The following SDK1 variants were observed in gnomAD, a reference collection of about 807,000 sequenced individuals.
The protein encoded by SDK1 is sidekick cell adhesion molecule 1, also known as protein sidekick-1.
SDK1 carries 157 observed loss-of-function variants against 245.5 expected under a neutral mutation model. That is an observed-to-expected ratio of 0.64 (90% CI 0.56 to 0.73). SDK1 has a LOEUF of 0.73. SDK1 is among the 30% of genes least tolerant of loss of function. The probability of loss-of-function intolerance (pLI) is 0.00; values close to 1 mark genes in which losing one functional copy is unlikely to be tolerated. For missense variants in SDK1, 3,583 were observed against 3,002.3 expected (o/e 1.19, Z -4.52); for synonymous variants, 1,647 against 1,278.5 (o/e 1.29, Z -6.15).
At position 4,143,673 on chromosome 7, in the gene SDK1, G is replaced by C. The variant is rs1012591550; in HGVS notation, c.4229-2049G>C. On this transcript the variant is annotated intron_variant, in intron 28 of 44. Transcript: ENST00000404826. ...TTCTGCGCAGTGGGCCCTGGGGTCC[G>C]TGGTTCCGAGCAACGGGGACCTGGC... 9.3e-4 allele frequency among the ~76,000 whole-genome samples: 142 copies of C among 152,302 alleles called. 1 individual carries two copies. Among genetic ancestry groups the C allele is most frequent in the African/African-American group, 3.3e-3 (136 of 41,582 alleles).
At chr7:3,550,930 C>T (rs181436630) in intron 1 of SDK1, among the ~76,000 whole-genome samples, 1 of 152,098 alleles carries the variant, frequency 6.6e-6, no homozygotes, top group Non-Finnish European at 1.5e-5. Context: ...TTCAGACTTT[C>T]TTCTTATCAT....
chr7:4,192,044 C>G (rs892462130), intron 35 of SDK1, among the ~76,000 whole-genome samples: 1 of 152,200 alleles, frequency 6.6e-6, no homozygotes, highest in African/African-American at 2.4e-5. Flanking sequence ...CCCTCTTTGC[C>G]TGTTTCTCTG....
intron 1 of SDK1, among the ~76,000 whole-genome samples, chr7:3,496,057 G>C (rs890845874): frequency 3.3e-5 from 5 of 152,094 alleles, no homozygotes; most frequent in Admixed American, 3.3e-4. Flanking sequence ...TTTTTCCCAG[G>C]AGAGAGCTGA....
At chr7:3,383,450 G>A (rs772248507) in intron 1 of SDK1, among the ~76,000 whole-genome samples, 21 of 152,082 alleles carry the variant, frequency 1.4e-4, no homozygotes, top group Non-Finnish European at 2.8e-4. Context: ...TCCCCAGTTT[G>A]GAAGTCTTCA....
chr7:3,319,338 G>A (rs1779737208), intron 1 of SDK1, among the ~76,000 whole-genome samples: 2 of 152,110 alleles, frequency 1.3e-5, no homozygotes, highest in South Asian at 4.2e-4. Flanking sequence ...GTTGCACCCA[G>A]AAATGCTTGT....
At chr7:3,497,389 AGAT>A (rs959419684) in intron 1 of SDK1, among the ~76,000 whole-genome samples, 7 of 152,186 alleles carry the variant, frequency 4.6e-5, no homozygotes, top group Non-Finnish European at 1.0e-4. Flanking sequence ...ATTTTCTCCT[AGAT>A]GATGTTTATC....
chr7:4,063,599 A>AAAAAAAAAAAC (rs533567059), intron 19 of SDK1, among the ~76,000 whole-genome samples: 6,336 of 148,790 alleles, frequency 0.043, 247 homozygotes, highest in African/African-American at 0.099. Flanking sequence ...AGAAATAGCA[A>AAAAAAAAAAAC]AAAAAAAAAA....
At chr7:3,488,039 G>A (rs1217557409) in intron 1 of SDK1, among the ~76,000 whole-genome samples, 1 of 152,048 alleles carries the variant, frequency 6.6e-6, no homozygotes, top group Non-Finnish European at 1.5e-5. Flanking sequence ...TAGACTAGAG[G>A]CTTGTTTCCC....
At chr7:3,937,233 A>G (rs1004798990) in intron 5 of SDK1, among the ~76,000 whole-genome samples, 2 of 152,166 alleles carry the variant, frequency 1.3e-5, no homozygotes, top group Admixed American at 1.3e-4. Flanking sequence ...ACAGGTATTT[A>G]TGAGGCCCCT....
intron 1 of SDK1, among the ~76,000 whole-genome samples, chr7:3,526,558 G>A (rs557088627): frequency 1.3e-5 from 2 of 152,188 alleles, no homozygotes; most frequent in South Asian, 4.1e-4. Flanking sequence ...ATAGTTTGGT[G>A]GAATTCTATT....
At chr7:3,414,941 C>T (rs1387392893) in intron 1 of SDK1, among the ~76,000 whole-genome samples, 1 of 152,132 alleles carries the variant, frequency 6.6e-6, no homozygotes, top group East Asian at 1.9e-4. Flanking sequence ...TATTTCCGTG[C>T]ACGGATATAC....
chr7:3,920,160 C>T (rs1562537650), intron 5 of SDK1, among the ~76,000 whole-genome samples: 1 of 152,180 alleles, frequency 6.6e-6, no homozygotes, highest in African/African-American at 2.4e-5. Flanking sequence ...TGGAGAGCAG[C>T]ACTGAGGATC....
intron 4 of SDK1, among the ~76,000 whole-genome samples, chr7:3,646,740 G>A (rs1782851068): frequency 6.6e-6 from 1 of 152,160 alleles, no homozygotes; most frequent in Non-Finnish European, 1.5e-5. Context: ...AAAAGACATG[G>A]ATTAACCTGG....
At chr7:3,397,946 T>C (rs1274906313) in intron 1 of SDK1, among the ~76,000 whole-genome samples, 1 of 152,116 alleles carries the variant, frequency 6.6e-6, no homozygotes, top group African/African-American at 2.4e-5. Context: ...CCCTTCAGAT[T>C]GTGTGTTTTC....
In SDK1 at chr7:4,220,289, G is replaced by C; in HGVS notation, c.5701+19G>C. On this transcript the variant is annotated intron_variant, in intron 39 of 44. Coordinates refer to ENST00000404826, the MANE Select transcript of SDK1 (RefSeq NM_152744.4). ...GCCGAGGGTAAGTGGAACTCCAGGG[G>C]CAGACAATGTCAATTGCAACTTTAG... is the stretch of plus-strand genomic sequence containing the variant. 1 of 1,605,862 alleles carries C rather than the reference G, an allele frequency of 6.2e-7. No individual in the cohort carries two copies. Among genetic ancestry groups the C allele is most frequent in the Non-Finnish European group, 8.5e-7 (1 of 1,173,912 alleles).
chr7:3,377,966 TG>T (rs1212793869), intron 1 of SDK1, among the ~76,000 whole-genome samples: 1 of 151,946 alleles, frequency 6.6e-6, no homozygotes, highest in Non-Finnish European at 1.5e-5. Flanking sequence ...TTAGTAAAGA[TG>T]GGGGTTTCAC....
intron 4 of SDK1, among the ~76,000 whole-genome samples, chr7:3,798,569 G>A (rs1459871124): frequency 1.3e-5 from 2 of 151,994 alleles, no homozygotes; most frequent in East Asian, 1.9e-4. Context: ...AACGTCCCTC[G>A]ATTTGGACTT....
At chr7:3,862,135 T>G (rs1780708932) in intron 5 of SDK1, among the ~76,000 whole-genome samples, 4 of 152,390 alleles carry the variant, frequency 2.6e-5, no homozygotes, top group South Asian at 2.1e-4. Flanking sequence ...ATCCATCTAC[T>G]TACGCAATGC....
intron 5 of SDK1, among the ~76,000 whole-genome samples, chr7:3,887,346 A>G (rs1781361252): frequency 6.6e-6 from 1 of 152,226 alleles, no homozygotes; most frequent in African/African-American, 2.4e-5. Context: ...AACTAATTAC[A>G]TGAAAGCTGA....
Sources: allele counts gnomAD v4.1 joint callset (sites outside exome capture counted in the v4.1 genomes callset), GRCh38; gene constraint gnomAD v4.1.1; transcripts MANE v1.5; gene names NCBI Gene and HGNC (gene_info 2026-07-23, HGNC 2026-07-21).